The following NLGN1 variants were observed in gnomAD, a reference collection of about 807,000 sequenced individuals.
NLGN1 encodes neuroligin 1, also known as neuroligin-1.
NLGN1 carries 12 observed loss-of-function variants against 65.5 expected under a neutral mutation model. The observed-to-expected ratio is 0.18, with a 90% CI of 0.12 to 0.30. The LOEUF is 0.30. Ranked by LOEUF, NLGN1 falls within the 10% of genes least tolerant of loss-of-function variation. NLGN1 has a pLI of 1.00. For synonymous variants in NLGN1, 350 were observed against 359.5 expected (o/e 0.97, Z 0.30); for missense variants, 750 against 1,007.1 (o/e 0.74, Z 3.46).
intron 3 of NLGN1, among the ~76,000 whole-genome samples, chr3:173,688,987 G>A (rs547569714): frequency 6.6e-6 from 1 of 152,108 alleles, no homozygotes; most frequent in Non-Finnish European, 1.5e-5. Context: ...CCATTTGGGT[G>A]TACTAATAAT....
intron 2 of NLGN1, among the ~76,000 whole-genome samples, chr3:173,589,688 A>G (rs1478130381): frequency 2.0e-5 from 3 of 152,194 alleles, no homozygotes; most frequent in African/African-American, 7.2e-5. Context: ...TATTGTATAC[A>G]TATGGTTCTC....
chr3:173,901,369 G>C lies in NLGN1; in HGVS notation c.646+93537G>C, dbSNP rs1050383162. ...TGAAAAACTAGTATTTTTTTTGGGGGGGTGTGTGTGTGTGTGTTTAAAAAC... is the reference window on the plus strand; with the variant it reads ...TGAAAAACTAGTATTTTTTTTGGGGCGGTGTGTGTGTGTGTGTTTAAAAAC... On this transcript the variant is annotated intron_variant, in intron 4 of 6. Transcript: ENST00000457714. 2.0e-3 allele frequency among the ~76,000 whole-genome samples: 305 copies of C among 149,472 alleles called. 6 individuals carry two copies. The highest frequency in any genetic ancestry group is 3.6e-3 in the Non-Finnish European group (240 of 67,420).
At chr3:173,857,175 A>G (rs2150775125) in intron 4 of NLGN1, among the ~76,000 whole-genome samples, 1 of 152,174 alleles carries the variant, frequency 6.6e-6, no homozygotes, top group African/African-American at 2.4e-5. Context: ...GGGTTGGGGT[A>G]GCATGTCCTT....
At chr3:173,505,305 C>T (rs181296930) in intron 2 of NLGN1, among the ~76,000 whole-genome samples, 205 of 152,212 alleles carry the variant, frequency 1.3e-3, no homozygotes, top group African/African-American at 4.6e-3. Flanking sequence ...TGGCTTACAG[C>T]ATTGGCAGAT....
At chr3:173,932,556 G>A (rs1744294787) in intron 4 of NLGN1, among the ~76,000 whole-genome samples, 1 of 151,594 alleles carries the variant, frequency 6.6e-6, no homozygotes. Flanking sequence ...TAAATCTGGA[G>A]AATAGAAAGA....
chr3:173,417,209 A>G (rs903765805), intron 1 of NLGN1, among the ~76,000 whole-genome samples: 17 of 152,160 alleles, frequency 1.1e-4, no homozygotes, highest in Middle Eastern at 7.0e-3. Context: ...TTAGTTATTC[A>G]TGCCATTAAA....
At chr3:173,816,343 A>G (rs982149266) in intron 4 of NLGN1, among the ~76,000 whole-genome samples, 7 of 152,220 alleles carry the variant, frequency 4.6e-5, no homozygotes, top group Non-Finnish European at 1.0e-4. Context: ...TAAATGCAGA[A>G]ACAAGTGAGT....
chr3:174,279,969 C>A lies in NLGN1; in HGVS notation c.1649+319C>A, dbSNP rs1033104523. ...TTATTTTATAGTGCTTTGTCATTCA[C>A]AACACTCTTTAATCCTTCCAACTAC... On this transcript the variant is annotated intron_variant, in intron 6 of 6. Coordinates refer to ENST00000457714, the Ensembl canonical transcript of NLGN1. This position sits in a 1 kb window ranked among gnomAD's most constrained non-coding sequence, Gnocchi z 4.7. Among the ~76,000 whole-genome samples, 1 of 151,880 alleles carries A rather than the reference C, an allele frequency of 6.6e-6. No homozygotes were observed. Among genetic ancestry groups the A allele is most frequent in the Non-Finnish European group, 1.5e-5 (1 of 67,924 alleles).
At chr3:173,854,761 G>A (rs929186381) in intron 4 of NLGN1, among the ~76,000 whole-genome samples, 2 of 152,070 alleles carry the variant, frequency 1.3e-5, no homozygotes, top group Non-Finnish European at 2.9e-5. Flanking sequence ...CATAGAACAT[G>A]TAGCATAGAA....
intron 2 of NLGN1, among the ~76,000 whole-genome samples, chr3:173,582,918 A>G (rs1746626757): frequency 6.6e-6 from 1 of 152,184 alleles, no homozygotes; most frequent in Admixed American, 6.5e-5. Flanking sequence ...CCACCTTAAC[A>G]TACATACATG....
chr3:174,058,159 G>A (rs1184077056), intron 4 of NLGN1, among the ~76,000 whole-genome samples: 1 of 152,064 alleles, frequency 6.6e-6, no homozygotes, highest in East Asian at 1.9e-4. Context: ...TGATTTCAAA[G>A]CCTTTCATAT....
At chr3:174,289,802 T>C (rs995060674), downstream of NLGN1, among the ~76,000 whole-genome samples, 4 of 150,352 alleles carry the variant, frequency 2.7e-5, no homozygotes, top group African/African-American at 9.7e-5. Flanking sequence ...CCAGAGACAT[T>C]GACTCTCACC....
intron 4 of NLGN1, among the ~76,000 whole-genome samples, chr3:173,988,340 T>C (rs947914996): frequency 6.6e-6 from 1 of 152,194 alleles, no homozygotes; most frequent in African/African-American, 2.4e-5. Flanking sequence ...ATACAGGTTT[T>C]GTGTGTGTTA....
intron 4 of NLGN1, among the ~76,000 whole-genome samples, chr3:173,970,049 G>C (rs951187729): frequency 6.6e-6 from 1 of 152,052 alleles, no homozygotes; most frequent in African/African-American, 2.4e-5. Context: ...TGCATATCAA[G>C]TGTTGCATTT....
chr3:173,450,137 G>T (rs1008345064), intron 2 of NLGN1, among the ~76,000 whole-genome samples: 14 of 152,170 alleles, frequency 9.2e-5, no homozygotes, highest in Non-Finnish European at 1.5e-4. Flanking sequence ...CTCGTTAGTT[G>T]ATGCAGTTTC....
intron 1 of NLGN1, among the ~76,000 whole-genome samples, chr3:173,398,837 T>C (rs926295460): frequency 1.8e-4 from 28 of 152,212 alleles, no homozygotes; most frequent in Non-Finnish European, 5.9e-5. Flanking sequence ...CTTAAGTCAA[T>C]TGAGTTGTCA....
intron 2 of NLGN1, among the ~76,000 whole-genome samples, chr3:173,541,885 C>T (rs1738934225): frequency 6.6e-6 from 1 of 151,970 alleles, no homozygotes; most frequent in Non-Finnish European, 1.5e-5. Flanking sequence ...ACAAGGTGTA[C>T]GTAGATGTGG....
intron 4 of NLGN1, among the ~76,000 whole-genome samples, chr3:173,926,905 T>C (rs890875923): frequency 3.0e-4 from 45 of 152,340 alleles, no homozygotes; most frequent in Non-Finnish European, 1.2e-4. Flanking sequence ...TTATTGCCTG[T>C]AATGATCTTG....
chr3:174,077,855 A>G (rs1049279975), intron 4 of NLGN1, among the ~76,000 whole-genome samples: 7 of 152,100 alleles, frequency 4.6e-5, no homozygotes, highest in African/African-American at 7.2e-5. Context: ...TACCTGGCCT[A>G]TCTTCTGTCT....
Sources: allele counts gnomAD v4.1 joint callset (sites outside exome capture counted in the v4.1 genomes callset), GRCh38; gene constraint gnomAD v4.1.1; non-coding constraint Gnocchi (gnomAD v3.1); transcripts MANE v1.5; gene names NCBI Gene and HGNC (gene_info 2026-07-23, HGNC 2026-07-21).